RPS6KA2: variants seen among roughly 807,000 people sequenced by gnomAD.
RPS6KA2 encodes the protein ribosomal protein S6 kinase alpha-2.
Under a neutral mutation model 91.8 loss-of-function variants are expected in RPS6KA2, and 42 were observed. The ratio of observed to expected loss-of-function variants is 0.46; its 90% confidence interval spans 0.36 to 0.59. The LOEUF is 0.59. Among genes scored for constraint, RPS6KA2 ranks in the 20% least tolerant of loss-of-function variants. RPS6KA2 has a pLI of 0.00. For synonymous variants in RPS6KA2, 414 were observed against 393.6 expected (o/e 1.05, Z -0.61); for missense variants, 798 against 978.5 (o/e 0.82, Z 2.46).
At position 166,767,764 on chromosome 6, in the gene RPS6KA2, T is replaced by C. The variant is rs895945203; in HGVS notation, c.123+90436A>G. Reference sequence around the variant, plus strand: ...CCAAATTATTAAGAACTAAAGACAATACCTCCTCAAACACACACACACACA... The same window carrying C: ...CCAAATTATTAAGAACTAAAGACAACACCTCCTCAAACACACACACACACA... On this transcript the variant is annotated intron_variant, in intron 2 of 21. Coordinates refer to the RPS6KA2 transcript ENST00000503859. This position sits in a 1 kb window ranked among gnomAD's most constrained non-coding sequence, Gnocchi z 4.6. Among the ~76,000 whole-genome samples the C allele has an allele frequency of 5.7e-5, 8 of 140,550 alleles. No homozygotes were observed. Among genetic ancestry groups the C allele is most frequent in the Non-Finnish European group, 1.2e-4 (8 of 65,994 alleles). 92.2% of individuals were successfully genotyped at this position (140,550 alleles called of 152,430 possible).
intron 2 of RPS6KA2, among the ~76,000 whole-genome samples, chr6:166,691,409 T>C (rs1452267068): frequency 6.6e-6 from 1 of 152,032 alleles, no homozygotes; most frequent in African/African-American, 2.4e-5. Flanking sequence ...CCAAAATAAC[T>C]CTTCTCGTGT....
chr6:166,681,214 C>T (rs1386952229), intron 2 of RPS6KA2, among the ~76,000 whole-genome samples: 1 of 152,232 alleles, frequency 6.6e-6, no homozygotes, highest in African/African-American at 2.4e-5. Flanking sequence ...GGTTACAACA[C>T]TGTATCTTAG....
intron 1 of RPS6KA2, among the ~76,000 whole-genome samples, chr6:166,540,624 A>G (rs538035905): frequency 1.3e-5 from 2 of 152,332 alleles, no homozygotes; most frequent in African/African-American, 4.8e-5. Context: ...GCCAATGGGC[A>G]TTATATTTAG....
chr6:166,520,313 A>C (rs898183596), intron 3 of RPS6KA2, among the ~76,000 whole-genome samples: 2 of 152,158 alleles, frequency 1.3e-5, no homozygotes, highest in Admixed American at 1.3e-4. Context: ...ACTGGAACTT[A>C]TACCACCAGC....
chr6:166,619,407 T>C (rs2128539223), intron 1 of RPS6KA2, among the ~76,000 whole-genome samples: 1 of 152,392 alleles, frequency 6.6e-6, no homozygotes, highest in East Asian at 1.9e-4. Flanking sequence ...TCCTTCGCTA[T>C]GTTCAAAGTC....
chr6:166,516,547 C>T (rs901784840), intron 3 of RPS6KA2, among the ~76,000 whole-genome samples: 3 of 152,246 alleles, frequency 2.0e-5, no homozygotes, highest in African/African-American at 7.2e-5. Context: ...CAAAGTTAAA[C>T]TCAACAAGGA....
At chr6:166,585,260 A>G (rs1320816176) in intron 1 of RPS6KA2, among the ~76,000 whole-genome samples, 5 of 152,182 alleles carry the variant, frequency 3.3e-5, no homozygotes. Context: ...GCTGGGATGG[A>G]CTTTCAGTCT....
At position 166,702,984 on chromosome 6, in the gene RPS6KA2, C is replaced by T. The variant is rs1365499619; in HGVS notation, c.123+155216G>A. 5.5e-5 allele frequency: 29 copies of T among 526,922 alleles called. No homozygotes were observed. In the South Asian group the frequency reaches 7.0e-4, roughly 13 times the overall value. 32.6% of individuals were successfully genotyped at this position (526,922 alleles called of 1,614,324 possible). On this transcript the variant is annotated intron_variant, in intron 2 of 21. Transcript: ENST00000503859. ...ACACAGTAAGAACCAAGCACAAGAACGAGGAGCAAAAAATCAGATCCGAGG... is the reference window on the plus strand; with the variant it reads ...ACACAGTAAGAACCAAGCACAAGAATGAGGAGCAAAAAATCAGATCCGAGG...
chr6:166,677,362 GTT>G (rs199505387), intron 2 of RPS6KA2, among the ~76,000 whole-genome samples: 137 of 141,292 alleles, frequency 9.7e-4, no homozygotes, highest in African/African-American at 3.0e-3. Context: ...GTTCATATCA[GTT>G]TTTTTTTTTT....
chr6:166,729,457 T>A (rs1790447005), intron 2 of RPS6KA2, among the ~76,000 whole-genome samples: 1 of 152,220 alleles, frequency 6.6e-6, no homozygotes, highest in African/African-American at 2.4e-5. Context: ...CAGATGATCC[T>A]CTCACCTCAG....
intron 2 of RPS6KA2, among the ~76,000 whole-genome samples, chr6:166,811,143 C>T (rs1167152236): frequency 1.3e-5 from 2 of 152,222 alleles, no homozygotes; most frequent in Admixed American, 1.3e-4. Flanking sequence ...CATGCGGGTG[C>T]TCCAAGAGAT....
rs1470792701 is a variant in RPS6KA2, at chr6:166,639,834, G to A, written c.124-101050C>T. 6.6e-6 allele frequency among the ~76,000 whole-genome samples: 1 copy of A among 151,894 alleles called. No individual in the cohort carries two copies. Among genetic ancestry groups the A allele is most frequent in the Non-Finnish European group, 1.5e-5 (1 of 67,992 alleles). On this transcript the variant is annotated intron_variant, in intron 2 of 21. Transcript: ENST00000503859. The surrounding 1 kb of genome is among the most constrained non-coding windows in gnomAD (Gnocchi z 4.2). Reference sequence around the variant, plus strand: ...CAGGCCCTGTTGGGGTCTCTCCTGGGTTCCTCTAGTTTGCTCACTGTGCTG... The same window carrying A: ...CAGGCCCTGTTGGGGTCTCTCCTGGATTCCTCTAGTTTGCTCACTGTGCTG...
At chr6:166,839,972 G>T (rs934220994) in intron 2 of RPS6KA2, among the ~76,000 whole-genome samples, 8 of 146,924 alleles carry the variant, frequency 5.4e-5, no homozygotes, top group African/African-American at 2.0e-4. Context: ...TTCAACTATT[G>T]AATGAAATTA....
At chr6:166,660,333 TGTGTGTGCGGGTTG>T (rs1310159158) in intron 2 of RPS6KA2, among the ~76,000 whole-genome samples, 6 of 151,312 alleles carry the variant, frequency 4.0e-5, no homozygotes, top group South Asian at 2.1e-4. Flanking sequence ...TGTGCATGTG[TGTGTGTGCGGGTTG>T]GTGTGTGCGT....
chr6:166,453,620 A>G (rs1205505733), intron 12 of RPS6KA2, among the ~76,000 whole-genome samples: 2 of 152,260 alleles, frequency 1.3e-5, no homozygotes, highest in Non-Finnish European at 2.9e-5. Flanking sequence ...GTAAATTAGT[A>G]CAACCTCCAT....
chr6:166,804,563 C>G (rs1344238605), intron 2 of RPS6KA2, among the ~76,000 whole-genome samples: 1 of 150,992 alleles, frequency 6.6e-6, no homozygotes, highest in East Asian at 2.0e-4. Context: ...AAATAACAGC[C>G]CACAAACCCA....
rs1207696852 is a variant in RPS6KA2, at chr6:166,433,644, T to A, written c.1333-1154A>T. 6.6e-6 allele frequency among the ~76,000 whole-genome samples: 1 copy of A among 152,360 alleles called. No individual in the cohort carries two copies. The highest frequency in any genetic ancestry group is 1.9e-4 in the East Asian group (1 of 5,192). ...ACATTAGTTCAACCTAATTTTAAAA[T>A]AGTCTCTATTTGGAGACCGTGCAGT... On this transcript the variant is annotated intron_variant, in intron 14 of 20. Transcript: ENST00000265678. This position sits in a 1 kb window ranked among gnomAD's most constrained non-coding sequence, Gnocchi z 4.4.
intron 13 of RPS6KA2, among the ~76,000 whole-genome samples, chr6:166,450,087 C>T (rs73033721): frequency 0.27 from 38,528 of 144,770 alleles, 4,692 homozygotes; most frequent in Middle Eastern, 0.36. Flanking sequence ...TGGGTACCAC[C>T]GGGGAACCAC....
intron 1 of RPS6KA2, among the ~76,000 whole-genome samples, chr6:166,547,699 C>T (rs1783874369): frequency 6.6e-6 from 1 of 152,224 alleles, no homozygotes; most frequent in African/African-American, 2.4e-5. Context: ...AGTAATTGTG[C>T]CTTATATGGA....
Sources: gnomAD v4.1 joint callset for allele counts (sites outside exome capture counted in the v4.1 genomes callset) on GRCh38, gnomAD v4.1.1 for gene constraint, Gnocchi (gnomAD v3.1) non-coding constraint, MANE v1.5 for transcripts, NCBI Gene and HGNC (gene_info 2026-07-23, HGNC 2026-07-21) for gene names.